The following LRRC9 variants were observed in gnomAD, a reference collection of about 807,000 sequenced individuals.
LRRC9 encodes leucine rich repeat containing 9, also known as leucine-rich repeat-containing protein 9.
Under a neutral mutation model 63.2 loss-of-function variants are expected in LRRC9, and 122 were observed. That is an observed-to-expected ratio of 1.93 (90% CI 1.67 to 2.24). The LOEUF is 2.24. LRRC9 is among the 30% of genes most tolerant of loss of function. The pLI, the probability that LRRC9 is intolerant of heterozygous loss-of-function variation, is 0.00. For synonymous variants in LRRC9, 366 were observed against 213.1 expected (o/e 1.72, Z -6.25); for missense variants, 1,071 against 627.7 (o/e 1.71, Z -7.55).
chr14:59,963,019 T>C (rs1184556062), intron 10 of LRRC9, among the ~76,000 whole-genome samples: 1 of 152,224 alleles, frequency 6.6e-6, no homozygotes, highest in Non-Finnish European at 1.5e-5. Flanking sequence ...TCTGATCTTT[T>C]ATGTATGTTA....
At chr14:59,977,409 A>G in intron 14 of LRRC9, 62 bp downstream of exon 14, 1 of 558,134 alleles carries the variant, frequency 1.8e-6, no homozygotes, top group Non-Finnish European at 3.2e-6. Context: ...TTTGTGTTTA[A>G]TACGGATACT....
chr14:59,991,276 C>T (rs1382144505), intron 17 of LRRC9, among the ~76,000 whole-genome samples: 4 of 152,174 alleles, frequency 2.6e-5, no homozygotes, highest in Non-Finnish European at 5.9e-5. Flanking sequence ...TTCTTGCATG[C>T]TTCTCATATA....
chr14:59,928,819 T>C (rs559504666), intron 3 of LRRC9, among the ~76,000 whole-genome samples: 4 of 152,016 alleles, frequency 2.6e-5, no homozygotes, highest in Admixed American at 6.6e-5. Flanking sequence ...AAACGAGCAA[T>C]GGGGAAAGGA....
At chr14:60,041,267 G>T (rs1290068047) in intron 29 of LRRC9, among the ~76,000 whole-genome samples, 1 of 151,962 alleles carries the variant, frequency 6.6e-6, no homozygotes, top group African/African-American at 2.4e-5. Flanking sequence ...GAGTATCTTC[G>T]TGGCATTCTC....
intron 8 of LRRC9, among the ~76,000 whole-genome samples, chr14:59,957,431 C>T (rs138981755): frequency 1.5e-3 from 227 of 152,108 alleles, no homozygotes; most frequent in African/African-American, 5.1e-3. Flanking sequence ...GCTATGGATA[C>T]TTGTGTATGC....
intron 29 of LRRC9, among the ~76,000 whole-genome samples, chr14:60,033,233 G>A (rs1330700265): frequency 6.6e-6 from 1 of 151,558 alleles, no homozygotes; most frequent in Non-Finnish European, 1.5e-5. Context: ...AATTTTTTTG[G>A]ATTTTCTGTA....
At chr14:60,057,597 T>C (rs1894376100) in intron 30 of LRRC9, 2 of 201,196 alleles carry the variant, frequency 9.9e-6, no homozygotes, top group African/African-American at 4.6e-5. Flanking sequence ...TGAGACCCTT[T>C]GGAAAGGGCG....
In LRRC9 at chr14:59,999,176, G is replaced by T; in HGVS notation, c.2479G>T (p.Glu827Ter). 1.4e-6 allele frequency: 1 copy of T among 701,192 alleles called. No homozygotes were observed. The highest frequency in any genetic ancestry group is 1.5e-5 in the South Asian group (1 of 67,364). The allele number at this position is 701,192 out of a possible 1,614,324, so 43.4% of individuals were successfully genotyped here. A position where few individuals can be genotyped will look rare whatever the true frequency, so the allele number is the denominator to read the frequency against. ...TTTAAATGGAGTCTTCATTTCTGAA[G>T]AAGAAGCAACAGCAGCTATGAAATT... The change falls in exon 19 of 32, where the codon GAA (glutamate) becomes TAA (stop). Residue 827 changes from glutamate (E) to a stop codon, truncating the protein, a stop_gained. Transcript: ENST00000445360. LOFTEE classifies it high-confidence loss of function.
chr14:59,945,106 A>G (rs1882218666), intron 8 of LRRC9, among the ~76,000 whole-genome samples: 1 of 151,892 alleles, frequency 6.6e-6, no homozygotes. Context: ...ATTAGATGCC[A>G]GTAGGCTGTG....
rs996688921 is a variant in LRRC9 at position 59,962,348 on chromosome 14, G to A, written c.1211+1303G>A. On this transcript the variant is annotated intron_variant, in intron 10 of 31. Transcript: ENST00000445360. The surrounding 1 kb of genome is among the most constrained non-coding windows in gnomAD (Gnocchi z 5.1). ...AAGTAAAGGCCTTGATTTTTCAAGT[G>A]CAAAAACTGAATGGTGTGTCTCTAC... Among the ~76,000 whole-genome samples the A allele has an allele frequency of 6.6e-6, 1 of 151,956 alleles. No individual in the cohort carries two copies. Among genetic ancestry groups the A allele is most frequent in the East Asian group, 1.9e-4 (1 of 5,198 alleles).
exon 16 of LRRC9, chr14:59,981,891 T>C: frequency 1.4e-6 from 1 of 702,156 alleles, no homozygotes; most frequent in South Asian, 1.5e-5. Flanking sequence ...AATGTTATTC[T>C]AGAAGAAAGC....
intron 29 of LRRC9, among the ~76,000 whole-genome samples, chr14:60,043,152 G>A (rs1349760606): frequency 6.6e-6 from 1 of 152,088 alleles, no homozygotes; most frequent in East Asian, 1.9e-4. Flanking sequence ...TTTGTATTCT[G>A]CAACTTAACT....
intron 8 of LRRC9, 91 bp downstream of exon 8, chr14:59,944,835 A>G (rs1882173907): frequency 1.8e-6 from 1 of 548,538 alleles, no homozygotes; most frequent in East Asian, 3.0e-5. Flanking sequence ...TTATGTATAT[A>G]CACACATATA....
intron 23 of LRRC9, among the ~76,000 whole-genome samples, chr14:60,014,069 G>T (rs1156837320): frequency 1.3e-5 from 2 of 151,638 alleles, no homozygotes; most frequent in Non-Finnish European, 2.9e-5. Flanking sequence ...GTTTTTTAGT[G>T]TATCTCTTCA....
At chr14:60,010,492 G>A (rs926941179) in intron 23 of LRRC9, among the ~76,000 whole-genome samples, 2 of 152,170 alleles carry the variant, frequency 1.3e-5, no homozygotes, top group South Asian at 2.1e-4. Context: ...CTCCAGGCCT[G>A]TGATGGGAGT....
rs960542008 is a variant in LRRC9 at position 59,927,419 on chromosome 14, A to C, written c.-33-492A>C. On this transcript the variant is annotated intron_variant, in intron 1 of 31. Transcript: ENST00000445360. The surrounding 1 kb of genome is among the most constrained non-coding windows in gnomAD (Gnocchi z 4.4). ...GGAGTATTTATTTTAATAAACACTT[A>C]TTACTATGCCAAAAATGTTGCTAAG... Among the ~76,000 whole-genome samples, 1 of 152,090 alleles carries C rather than the reference A, an allele frequency of 6.6e-6. No homozygotes were observed. Among genetic ancestry groups the C allele is most frequent in the African/African-American group, 2.4e-5 (1 of 41,460 alleles).
Position 59,927,202 on chromosome 14 carries a change from G to A in LRRC9, c.-33-709G>A, listed in dbSNP as rs1294608164. 6.6e-6 allele frequency among the ~76,000 whole-genome samples: 1 copy of A among 151,818 alleles called. No homozygotes were observed. The highest frequency in any genetic ancestry group is 1.5e-5 in the Non-Finnish European group (1 of 67,874). On this transcript the variant is annotated intron_variant, in intron 1 of 31. Transcript: ENST00000445360. This position sits in a 1 kb window ranked among gnomAD's most constrained non-coding sequence, Gnocchi z 4.4. ...GGGGGAGTTGTTATTGTAAAGAAAG[G>A]GATTATACTGTATACCATTTTCTAA...
Position 59,985,718 on chromosome 14 carries a change from C to T in LRRC9, c.2211+494C>T, listed in dbSNP as rs576805089. 1.4e-4 allele frequency among the ~76,000 whole-genome samples: 22 copies of T among 152,110 alleles called. No individual in the cohort carries two copies. In the South Asian group the frequency reaches 4.1e-3, roughly 29 times the overall value. Reference sequence around the variant, plus strand: ...AATGGATAAATTATTTTTGTAATTACGGCTTCATATCTACCATTTACAAGA... The same window carrying T: ...AATGGATAAATTATTTTTGTAATTATGGCTTCATATCTACCATTTACAAGA... On this transcript the variant is annotated intron_variant, in intron 17 of 31. Coordinates refer to ENST00000445360, the Ensembl canonical transcript of LRRC9.
At chr14:59,954,364 G>A (rs1024042642) in intron 8 of LRRC9, among the ~76,000 whole-genome samples, 5 of 152,068 alleles carry the variant, frequency 3.3e-5, no homozygotes, top group Non-Finnish European at 5.9e-5. Context: ...AGTTCTTGAA[G>A]AGGTCCTTCA....
Sources: allele counts gnomAD v4.1 joint callset (sites outside exome capture counted in the v4.1 genomes callset), GRCh38; gene constraint gnomAD v4.1.1; non-coding constraint Gnocchi (gnomAD v3.1); transcripts MANE v1.5; gene names NCBI Gene and HGNC (gene_info 2026-07-23, HGNC 2026-07-21).